The following BTBD16 variants were observed in gnomAD, a reference collection of about 807,000 sequenced individuals.
The protein encoded by BTBD16 is BTB/POZ domain-containing protein 16.
In BTBD16, 66 loss-of-function variants were observed where a neutral mutation model predicts 67.4. The observed-to-expected ratio is 0.98, with a 90% CI of 0.80 to 1.20. The LOEUF (loss-of-function observed/expected upper bound fraction) is 1.20. Ranked by LOEUF, BTBD16 falls within the 50% of genes most tolerant of loss-of-function variation. BTBD16 has a pLI of 0.00. For missense variants in BTBD16, 634 were observed against 616.0 expected, an observed-to-expected ratio of 1.03 and a Z score of -0.31; for synonymous variants, 242 against 236.4, an observed-to-expected ratio of 1.02 and a Z score of -0.22.
At chr10:122,331,018 G>T (rs768127072) in intron 11 of BTBD16, 158 bp from the exon 12 acceptor site, 3 of 491,260 alleles carry the variant, frequency 6.1e-6, no homozygotes, top group Non-Finnish European at 7.9e-6. Flanking sequence ...ACCCTGAGAC[G>T]TTTTATTTCC....
At chr10:122,328,469 G>C (rs1249504054) in intron 10 of BTBD16, among the ~76,000 whole-genome samples, 2 of 152,238 alleles carry the variant, frequency 1.3e-5, no homozygotes, top group African/African-American at 4.8e-5. Flanking sequence ...GCGTGGAGCA[G>C]TTGGGCGGTC....
chr10:122,296,780 C>A (rs938457903), intron 7 of BTBD16, among the ~76,000 whole-genome samples: 3 of 152,188 alleles, frequency 2.0e-5, no homozygotes, highest in Non-Finnish European at 4.4e-5. Context: ...ATCAGGGAGA[C>A]TTCCAAGAGG....
intron 10 of BTBD16, among the ~76,000 whole-genome samples, chr10:122,318,071 A>G (rs1168452215): frequency 1.3e-5 from 2 of 152,052 alleles, no homozygotes; most frequent in Non-Finnish European, 2.9e-5. Flanking sequence ...CCACAAACAC[A>G]TGTGTTGTGC....
At position 122,336,645 on chromosome 10, in the gene BTBD16, A is replaced by G. The variant is rs10510108; in HGVS notation, c.1415A>G (p.Gln472Arg). The change falls in exon 15 of 16, where the codon CAG (glutamine) becomes CGG (arginine). Residue 472 changes from glutamine (Q) to arginine (R), a missense_variant. Transcript: ENST00000260723. ...GAGTTCAGGACAAACCAGATCAAGC[A>G]GAAGTTTGGGTTGACCACGTCATCC... is the stretch of plus-strand genomic sequence containing the variant. ...WQEFRTNQIK[Q>R]KFGLTTSSCK... The G allele has an allele frequency of 0.034, 55,108 of 1,603,450 alleles. 1,460 individuals carry two copies. The highest frequency in any genetic ancestry group is 0.097 in the East Asian group (4,300 of 44,536).
Position 122,297,791 on chromosome 10 carries a change from G to T in BTBD16, c.614G>T (p.Arg205Ile). The change falls in exon 8 of 16, where the codon AGA (arginine) becomes ATA (isoleucine). Residue 205 changes from arginine to isoleucine, a missense_variant. Arg to Ile is a moderately conservative substitution (Grantham distance 97). Coordinates refer to ENST00000260723, the MANE Select transcript of BTBD16 (RefSeq NM_144587.5). Reference sequence around the variant, plus strand: ...AGGTGCGTGGATGTGATGATAGCCAGACTCAAGCCAAGCACCATCAAGAAA... The same window carrying T: ...AGGTGCGTGGATGTGATGATAGCCATACTCAAGCCAAGCACCATCAAGAAA... ...FQRCVDVMIARLKPSTIKKFY... is the reference protein window; with the variant it reads ...FQRCVDVMIAILKPSTIKKFY... 1 of 1,614,192 alleles carries T rather than the reference G, an allele frequency of 6.2e-7. No homozygotes were observed. Among genetic ancestry groups the T allele is most frequent in the Non-Finnish European group, 8.5e-7 (1 of 1,180,026 alleles).
At chr10:122,336,933 T>G (rs2096464224) in intron 15 of BTBD16, among the ~76,000 whole-genome samples, 1 of 152,244 alleles carries the variant, frequency 6.6e-6, no homozygotes, top group African/African-American at 2.4e-5. Context: ...CAGATCTATT[T>G]TATAAGCATC....
intron 11 of BTBD16, among the ~76,000 whole-genome samples, chr10:122,329,793 G>A (rs371593812): frequency 6.6e-6 from 1 of 152,238 alleles, no homozygotes; most frequent in African/African-American, 2.4e-5. Flanking sequence ...ATGAAATATA[G>A]TGATGGCTAG....
rs2142087277 is a variant in BTBD16 at position 122,303,688 on chromosome 10, T to A, written c.792-3501T>A. ...AGAGGACAGTGTCTTATGAAAAGCATTTTTTTCCCCTAAAGAACAATTACC... is the reference window on the plus strand; with the variant it reads ...AGAGGACAGTGTCTTATGAAAAGCAATTTTTTCCCCTAAAGAACAATTACC... On this transcript the variant is annotated intron_variant, in intron 9 of 15. Transcript: ENST00000260723. 4.5e-6 allele frequency: 4 copies of A among 882,542 alleles called. 1 individual carries two copies. In the Admixed American group the frequency reaches 2.5e-4, roughly 55 times the overall value. 54.7% of individuals were successfully genotyped at this position (882,542 alleles called of 1,614,324 possible).
intron 6 of BTBD16, 117 bp downstream of exon 6, chr10:122,290,115 C>A: frequency 3.0e-6 from 2 of 677,002 alleles, no homozygotes; most frequent in South Asian, 2.1e-5. Flanking sequence ...GTGTTCAGTG[C>A]TTTCTTATTA....
chr10:122,337,903 C>G (rs1194247163), intron 15 of BTBD16, 114 bp from the exon 16 acceptor site: 15 of 789,222 alleles, frequency 1.9e-5, no homozygotes, highest in Non-Finnish European at 2.9e-5. Context: ...GATGTGCAAC[C>G]ATAGTTGAGA....
chr10:122,312,045 C>T (rs912871704), intron 10 of BTBD16, among the ~76,000 whole-genome samples: 9 of 152,164 alleles, frequency 5.9e-5, no homozygotes, highest in African/African-American at 1.9e-4. Context: ...ACATGTTCAG[C>T]CACTAGGAAT....
chr10:122,319,177 T>C (rs918554440), intron 10 of BTBD16, among the ~76,000 whole-genome samples: 4 of 152,218 alleles, frequency 2.6e-5, no homozygotes, highest in Admixed American at 2.6e-4. Flanking sequence ...ATCTATTACT[T>C]ATATTTTCAT....
chr10:122,291,820 A>G (rs1039944789), intron 7 of BTBD16: 1 of 152,230 alleles, frequency 6.6e-6, no homozygotes. Flanking sequence ...TCTTTTGGAC[A>G]TTCAGACCCC....
Position 122,276,782 on chromosome 10 carries a change from A to G in BTBD16, c.19-9A>G. ...AAAGATGTCTTCTCTTTCTTTGATT[A>G]CCAAGCAGCACAAAGCTCGGCTGGA... is the stretch of plus-strand genomic sequence containing the variant. On this transcript the variant is annotated splice_polypyrimidine_tract_variant and intron_variant, in intron 2 of 15. Transcript: ENST00000260723. 6.2e-7 allele frequency: 1 copy of G among 1,610,312 alleles called. No individual in the cohort carries two copies. Among genetic ancestry groups the G allele is most frequent in the East Asian group, 2.2e-5 (1 of 44,822 alleles).
intron 10 of BTBD16, 139 bp from the exon 11 acceptor site, chr10:122,329,341 C>T (rs1289812908): frequency 4.4e-6 from 3 of 683,582 alleles, no homozygotes; most frequent in South Asian, 3.7e-5. Flanking sequence ...TGTACCTGAC[C>T]CCTCCAGAGG....
intron 3 of BTBD16, among the ~76,000 whole-genome samples, chr10:122,282,696 G>A (rs1464323070): frequency 6.6e-6 from 1 of 152,206 alleles, no homozygotes; most frequent in African/African-American, 2.4e-5. Flanking sequence ...GAATATTGCT[G>A]AGCACCTGCA....
intron 13 of BTBD16, chr10:122,332,884 G>A (rs959197989): frequency 4.1e-6 from 4 of 985,338 alleles, no homozygotes; most frequent in Non-Finnish European, 4.8e-6. Flanking sequence ...GGCTCAACAA[G>A]AGACTCCATG....
intron 3 of BTBD16, among the ~76,000 whole-genome samples, chr10:122,281,388 GT>G (rs1243804650): frequency 1.3e-5 from 2 of 151,578 alleles, no homozygotes; most frequent in African/African-American, 4.8e-5. Context: ...TTTTTGTTTT[GT>G]TTTTTTAAAG....
At chr10:122,297,986 G>T (rs556038065) in intron 8 of BTBD16, 149 bp downstream of exon 8, 3 of 672,862 alleles carry the variant, frequency 4.5e-6, no homozygotes, top group South Asian at 4.3e-5. Flanking sequence ...GAACACATTT[G>T]TGTGTTTTTT....
Sources: allele counts gnomAD v4.1 joint callset (sites outside exome capture counted in the v4.1 genomes callset), GRCh38; gene constraint gnomAD v4.1.1; transcripts MANE v1.5; gene names NCBI Gene and HGNC (gene_info 2026-07-23, HGNC 2026-07-21).